SHISA9: variants seen among roughly 807,000 people sequenced by gnomAD.
SHISA9 encodes the protein shisa family member 9.
Under a neutral mutation model 38.0 loss-of-function variants are expected in SHISA9, and 13 were observed. The ratio of observed to expected loss-of-function variants is 0.34; its 90% CI spans 0.22 to 0.54. The LOEUF (loss-of-function observed/expected upper bound fraction) is 0.54, where lower values mean the gene tolerates loss of function less well. Among genes scored for constraint, SHISA9 ranks in the 20% least tolerant of loss-of-function variants. The probability of loss-of-function intolerance (pLI) is 0.91; values close to 1 mark genes in which losing one functional copy is unlikely to be tolerated. For missense variants in SHISA9, 538 were observed against 575.8 expected, an observed-to-expected ratio of 0.93 and a Z score of 0.67; for synonymous variants, 275 against 242.0, an observed-to-expected ratio of 1.14 and a Z score of -1.27.
intron 2 of SHISA9, among the ~76,000 whole-genome samples, chr16:13,045,930 G>A (rs1224746198): frequency 6.6e-6 from 1 of 152,224 alleles, no homozygotes; most frequent in African/African-American, 2.4e-5. Context: ...CGAGTCTGCA[G>A]AGCATGGATT....
intron 2 of SHISA9, among the ~76,000 whole-genome samples, chr16:12,919,616 G>A (rs1009860291): frequency 1.3e-5 from 2 of 151,794 alleles, no homozygotes; most frequent in African/African-American, 4.8e-5. Context: ...CTGGATATTT[G>A]GGAAGAGGGC....
At chr16:12,927,942 A>G (rs1216597212) in intron 2 of SHISA9, among the ~76,000 whole-genome samples, 2 of 152,224 alleles carry the variant, frequency 1.3e-5, no homozygotes, top group Non-Finnish European at 2.9e-5. Flanking sequence ...TAAAACAATT[A>G]GAAGAATTGG....
At chr16:13,045,010 T>G (rs2073170800) in intron 2 of SHISA9, among the ~76,000 whole-genome samples, 1 of 152,238 alleles carries the variant, frequency 6.6e-6, no homozygotes, top group Non-Finnish European at 1.5e-5. Context: ...CTACCACTTC[T>G]CAGCTCTGTG....
chr16:13,559,775 G>C, the SHISA9 span, among the ~76,000 whole-genome samples: 1 of 152,162 alleles, frequency 6.6e-6, no homozygotes, highest in African/African-American at 2.4e-5. Context: ...CAGAGCATCT[G>C]GCTCAGGGCT....
chr16:12,928,906 G>T (rs1303456951), intron 2 of SHISA9, among the ~76,000 whole-genome samples: 1 of 152,184 alleles, frequency 6.6e-6, no homozygotes, highest in Non-Finnish European at 1.5e-5. Flanking sequence ...ACTGTTTCTT[G>T]TGAACATTTT....
chr16:13,499,839 G>A, the SHISA9 span, among the ~76,000 whole-genome samples: 8 of 152,062 alleles, frequency 5.3e-5, no homozygotes, highest in Non-Finnish European at 1.2e-4. Flanking sequence ...TTGTCCTTGC[G>A]CAGGGGCAGT....
At chr16:13,482,022 A>G in the SHISA9 span, among the ~76,000 whole-genome samples, 1 of 152,142 alleles carries the variant, frequency 6.6e-6, no homozygotes, top group Non-Finnish European at 1.5e-5. Context: ...TGGGTACTTG[A>G]GCTGAATGTC....
At chr16:13,445,665 A>G in the SHISA9 span, among the ~76,000 whole-genome samples, 1 of 152,072 alleles carries the variant, frequency 6.6e-6, no homozygotes, top group Middle Eastern at 3.2e-3. Context: ...ATTTCCTTTG[A>G]TTGAAACTTT....
chr16:13,104,758 T>C (rs1567213496), intron 2 of SHISA9, among the ~76,000 whole-genome samples: 1 of 152,148 alleles, frequency 6.6e-6, no homozygotes, highest in Non-Finnish European at 1.5e-5. Flanking sequence ...GAAAATGTTC[T>C]AAAACTGGAG....
the SHISA9 span, among the ~76,000 whole-genome samples, chr16:13,305,734 A>T: frequency 3.3e-5 from 5 of 152,180 alleles, no homozygotes; most frequent in Non-Finnish European, 7.3e-5. Flanking sequence ...AAATAACCCA[A>T]CTAGATCACT....
At chr16:13,286,377 G>T in the SHISA9 span, among the ~76,000 whole-genome samples, 1 of 152,210 alleles carries the variant, frequency 6.6e-6, no homozygotes, top group African/African-American at 2.4e-5. Flanking sequence ...TAAACCCGAA[G>T]TCTCCACTTA....
chr16:13,454,236 G>T, the SHISA9 span, among the ~76,000 whole-genome samples: 3 of 152,184 alleles, frequency 2.0e-5, no homozygotes, highest in Admixed American at 2.0e-4. Flanking sequence ...ACGTGGGTTT[G>T]TTTCGGAACA....
chr16:13,223,365 A>G (rs1327004941), intron 4 of SHISA9, among the ~76,000 whole-genome samples: 1 of 152,148 alleles, frequency 6.6e-6, no homozygotes, highest in Non-Finnish European at 1.5e-5. Context: ...AGGAGGGTCA[A>G]GTCAGTAGTG....
chr16:13,456,110 C>T, the SHISA9 span, among the ~76,000 whole-genome samples: 4 of 152,174 alleles, frequency 2.6e-5, no homozygotes, highest in African/African-American at 4.8e-5. Flanking sequence ...GTAAGGACTG[C>T]TAAGAAGAAA....
the SHISA9 span, among the ~76,000 whole-genome samples, chr16:13,351,341 G>A: frequency 6.6e-6 from 1 of 151,992 alleles, no homozygotes; most frequent in Admixed American, 6.6e-5. Flanking sequence ...ATACTCCTCC[G>A]TATAACATGG....
At chr16:13,192,831 C>T (rs2050899024) in intron 2 of SHISA9, among the ~76,000 whole-genome samples, 1 of 151,618 alleles carries the variant, frequency 6.6e-6, no homozygotes, top group Non-Finnish European at 1.5e-5. Context: ...GCTGAGATAG[C>T]ACCATTGCAC....
chr16:13,385,106 C>G, the SHISA9 span, among the ~76,000 whole-genome samples: 5 of 152,310 alleles, frequency 3.3e-5, no homozygotes, highest in East Asian at 9.6e-4. Flanking sequence ...AATGCGATAT[C>G]ACTACATGCC....
At chr16:13,152,394 A>C (rs2050507271) in intron 2 of SHISA9, among the ~76,000 whole-genome samples, 1 of 152,312 alleles carries the variant, frequency 6.6e-6, no homozygotes. Context: ...TATAAGCAAG[A>C]GAAACTAACT....
At chr16:13,518,422 G>C in the SHISA9 span, among the ~76,000 whole-genome samples, 3 of 152,040 alleles carry the variant, frequency 2.0e-5, no homozygotes, top group African/African-American at 7.2e-5. Flanking sequence ...TCTCCTCTCA[G>C]ATGCCAAATA....
Sources: allele counts gnomAD v4.1 joint callset (sites outside exome capture counted in the v4.1 genomes callset), GRCh38; gene constraint gnomAD v4.1.1; transcripts MANE v1.5; gene names NCBI Gene and HGNC (gene_info 2026-07-23, HGNC 2026-07-21).